Variants in NAT16 observed in about 807,000 individuals in gnomAD.
NAT16 encodes probable N-acetyltransferase 16.
NAT16 carries 16 observed loss-of-function variants against 15.9 expected under a neutral mutation model. That is an observed-to-expected ratio of 1.01 (90% CI 0.68 to 1.53). The LOEUF is 1.53. NAT16 is among the 40% of genes most tolerant of loss of function. NAT16 has a pLI of 0.00. For synonymous variants in NAT16, 260 were observed against 241.9 expected, an observed-to-expected ratio of 1.07 and a Z score of -0.69; for missense variants, 572 against 508.4, an observed-to-expected ratio of 1.13 and a Z score of -1.20.
chr7:101,173,867 C>G, intron 2 of NAT16: 1 of 331,650 alleles, frequency 3.0e-6, no homozygotes, highest in African/African-American at 2.1e-5. Flanking sequence ...GCTGGGACAA[C>G]AGGCACGCAC....
rs762874878 is a variant in NAT16, at chr7:101,173,493, C to G, written c.340G>C (p.Asp114His). 14 of 1,605,758 alleles carry G rather than the reference C, an allele frequency of 8.7e-6. No individual in the cohort carries two copies. The highest frequency in any genetic ancestry group is 1.3e-5 in the African/African-American group (1 of 74,726). ...VIALESVNVI[D>H]AGETVLVEGL... ...TCCACCAGCACCGTCTCCCCGGCGT[C>G]GATCACGTTCACCGACTCCAGCGCG... is the stretch of plus-strand genomic sequence containing the variant. Residue 114 changes from aspartate (D) to histidine (H), a missense_variant, in exon 3 of 4, where the codon GAC (aspartate) becomes CAC (histidine). Asp to His is a moderately conservative substitution (Grantham distance 81). Coordinates refer to ENST00000300303, the MANE Select transcript of NAT16 (RefSeq NM_198571.3).
intron 2 of NAT16, chr7:101,173,995 G>T (rs1797404465): frequency 4.9e-6 from 1 of 205,262 alleles, no homozygotes; most frequent in Non-Finnish European, 9.6e-6. Flanking sequence ...CTCCCAAAGA[G>T]CTGGGGTTAC....
chr7:101,172,647 A>T lies in NAT16; in HGVS notation c.542T>A (p.Ile181Asn), dbSNP rs759555931. The change falls in exon 4 of 4, where the codon ATC (isoleucine) becomes AAC (asparagine). Residue 181 changes from isoleucine to asparagine, a missense_variant. Ile to Asn is a moderately radical substitution (Grantham distance 149). Coordinates refer to ENST00000300303, the MANE Select transcript of NAT16 (RefSeq NM_198571.3). This position sits in a 1 kb window ranked among gnomAD's most constrained non-coding sequence, Gnocchi z 4.2. ...GGACGCGTTGAATCGGACCAAAAGGATGCCCTGCGGGGGGCACGAGTGAGC... is the reference window on the plus strand; with the variant it reads ...GGACGCGTTGAATCGGACCAAAAGGTTGCCCTGCGGGGGGCACGAGTGAGC... ...KKYRLITKQG[I>N]LLVRFNASAL... 2.0e-6 allele frequency: 3 copies of T among 1,509,548 alleles called. No individual in the cohort carries two copies. The highest frequency in any genetic ancestry group is 2.6e-6 in the Non-Finnish European group (3 of 1,138,424). The allele number at this position is 1,509,548 out of a possible 1,614,324, so 93.5% of individuals were successfully genotyped here. A position where few individuals can be genotyped will look rare whatever the true frequency, so the allele number is the denominator to read the frequency against.
Position 101,174,533 on chromosome 7 carries a change from T to TAG in NAT16, c.274_275insCT (p.Asp92AlafsTer14). The TAG allele has an allele frequency of 6.2e-7, 1 of 1,613,746 alleles. No individual in the cohort carries two copies. Among genetic ancestry groups the TAG allele is most frequent in the Admixed American group, 1.7e-5 (1 of 60,002 alleles). On this transcript the variant is annotated frameshift_variant, in exon 2 of 4. Transcript: ENST00000300303. LOFTEE classifies it high-confidence loss of function. ...GCGCTTGGCCAGCACCACCGTGCGG[T>TAG]CGGGGTCCCGGAGCCAGCTGTGGTA...
chr7:101,175,664 A>G (rs886410248), intron 1 of NAT16, among the ~76,000 whole-genome samples: 2 of 151,920 alleles, frequency 1.3e-5, no homozygotes, highest in African/African-American at 4.8e-5. Flanking sequence ...ACGGAAACTC[A>G]TGCCTGTACT....
intron 1 of NAT16, 46 bp from the exon 2 acceptor site, chr7:101,174,857 TC>T (rs1249689668): frequency 2.0e-6 from 3 of 1,506,664 alleles, no homozygotes; most frequent in East Asian, 4.6e-5. Flanking sequence ...CCCCTTTGTT[TC>T]CACATCTGGG....
At chr7:101,174,873 T>G (rs1797432493) in intron 1 of NAT16, 62 bp from the exon 2 acceptor site, 11 of 1,495,454 alleles carry the variant, frequency 7.4e-6, no homozygotes, top group East Asian at 2.3e-5. Context: ...TCTGGGCCCC[T>G]GCACACAAAC....
intron 1 of NAT16, among the ~76,000 whole-genome samples, chr7:101,179,666 G>T (rs1183869005): frequency 6.7e-6 from 1 of 149,130 alleles, no homozygotes; most frequent in Non-Finnish European, 1.5e-5. Flanking sequence ...CACAGTAGTG[G>T]AGAAGGGGGG....
intron 1 of NAT16, among the ~76,000 whole-genome samples, chr7:101,175,272 T>G (rs962711520): frequency 5.3e-5 from 8 of 150,662 alleles, no homozygotes; most frequent in African/African-American, 2.0e-4. Flanking sequence ...CATTTCTTCT[T>G]CTTATTTTTT....
rs770313623 is a variant in NAT16 at position 101,172,080 on chromosome 7, C to A, written c.1109G>T (p.Ter370LeuextTer198). The stretch of plus-strand genomic sequence containing the variant: ...CCCCTCCCCGCCAGAGGAGAGGCCT[C>A]AGATGTCGGCCTCCAGCAGGTACTG... ...TEQYLLEADI[*>L] The change falls in exon 4 of 4, where the codon TGA (stop) becomes TTA (leucine). Residue 370 changes from the stop codon to leucine, a stop_lost. Coordinates refer to ENST00000300303, the MANE Select transcript of NAT16 (RefSeq NM_198571.3). This position sits in a 1 kb window ranked among gnomAD's most constrained non-coding sequence, Gnocchi z 4.2. 12 of 1,602,976 alleles carry A rather than the reference C, an allele frequency of 7.5e-6. No individual in the cohort carries two copies. In the South Asian group the frequency reaches 1.3e-4, roughly 18 times the overall value.
rs1282544886 is a variant in NAT16 at position 101,172,216 on chromosome 7, C to T, written c.973G>A (p.Val325Ile). The change falls in exon 4 of 4, where the codon GTT (valine) becomes ATT (isoleucine). Residue 325 changes from valine (V) to isoleucine (I), a missense_variant. Val to Ile is a conservative substitution (Grantham distance 29). Coordinates refer to ENST00000300303, the MANE Select transcript of NAT16 (RefSeq NM_198571.3). This position sits in a 1 kb window ranked among gnomAD's most constrained non-coding sequence, Gnocchi z 4.2. ...AGCTGGCACATGACGTTGAGGCCAA[C>T]GAGGCGCGGGGCCTGGCGCTGCAGG... is the stretch of plus-strand genomic sequence containing the variant. ...WHLQRQAPRLVGLNVMCQLFL... is the reference protein window; with the variant it reads ...WHLQRQAPRLIGLNVMCQLFL... The T allele has an allele frequency of 1.2e-6, 2 of 1,613,694 alleles. No homozygotes were observed. Among genetic ancestry groups the T allele is most frequent in the Non-Finnish European group, 1.7e-6 (2 of 1,179,892 alleles).
At position 101,172,738 on chromosome 7, in the gene NAT16, C is replaced by A. The variant is rs1379059919; in HGVS notation, c.538-87G>T. The A allele has an allele frequency of 7.4e-6, 8 of 1,086,976 alleles. No homozygotes were observed. The highest frequency in any genetic ancestry group is 1.7e-5 in the African/African-American group (1 of 59,320). The allele number at this position is 1,086,976 out of a possible 1,614,324, so 67.3% of individuals were successfully genotyped here. On this transcript the variant is annotated intron_variant, in intron 3 of 3. Transcript: ENST00000300303. The surrounding 1 kb of genome is among the most constrained non-coding windows in gnomAD (Gnocchi z 4.2). ...CTCTCGGCAGGCATCTTCACTCCCA[C>A]GTTCACGCCCACGGGCTCCCACCTG... is the stretch of plus-strand genomic sequence containing the variant.
At position 101,174,618 on chromosome 7, in the gene NAT16, CA is replaced by C; in HGVS notation, c.189del (p.Phe63LeufsTer42). 6.2e-7 allele frequency: 1 copy of C among 1,614,218 alleles called. No homozygotes were observed. Among genetic ancestry groups the C allele is most frequent in the Non-Finnish European group, 8.5e-7 (1 of 1,180,050 alleles). On this transcript the variant is annotated frameshift_variant, in exon 2 of 4. Coordinates refer to ENST00000300303, the MANE Select transcript of NAT16 (RefSeq NM_198571.3). LOFTEE classifies it high-confidence loss of function. ...CCCCCCGAGATGGCCAGCACTTCCTCAAACTCCCGTTCCGTGGCCACCACGA... is the reference window on the plus strand; with the variant it reads ...CCCCCCGAGATGGCCAGCACTTCCTCAACTCCCGTTCCGTGGCCACCACGA... ...LDFVVATERE[F>X]EEVLAISGGI...
At position 101,173,489 on chromosome 7, in the gene NAT16, G is replaced by C. The variant is rs773518847; in HGVS notation, c.344C>G (p.Ala115Gly). 6.2e-7 allele frequency: 1 copy of C among 1,606,760 alleles called. No homozygotes were observed. The highest frequency in any genetic ancestry group is 1.7e-5 in the Admixed American group (1 of 59,718). Reference sequence around the variant, plus strand: ...CCCCTCCACCAGCACCGTCTCCCCGGCGTCGATCACGTTCACCGACTCCAG... The same window carrying C: ...CCCCTCCACCAGCACCGTCTCCCCGCCGTCGATCACGTTCACCGACTCCAG... The part of the protein sequence containing the change: ...IALESVNVID[A>G]GETVLVEGLR... The change falls in exon 3 of 4, where the codon GCC (alanine) becomes GGC (glycine). Residue 115 changes from alanine (A) to glycine (G), a missense_variant. Ala to Gly is a moderately conservative substitution (Grantham distance 60, BLOSUM62 0). Coordinates refer to ENST00000300303, the MANE Select transcript of NAT16 (RefSeq NM_198571.3).
intron 1 of NAT16, among the ~76,000 whole-genome samples, chr7:101,179,654 G>A (rs894417154): frequency 2.1e-5 from 3 of 144,654 alleles, no homozygotes; most frequent in African/African-American, 7.6e-5. Flanking sequence ...GCCCCAGAGG[G>A]CCACAGTAGT....
At chr7:101,177,156 G>A (rs1797485797) in intron 1 of NAT16, among the ~76,000 whole-genome samples, 1 of 152,134 alleles carries the variant, frequency 6.6e-6, no homozygotes, top group South Asian at 2.1e-4. Context: ...CAGGCTCAGA[G>A]GATTTAGATC....
Position 101,174,846 on chromosome 7 carries a change from G to A in NAT16, c.-4-35C>T, listed in dbSNP as rs78812476. Reference sequence around the variant, plus strand: ...AAAAGAGAATTCAGCACCTGGATCAGCCCCTTTGTTTCCACATCTGGGCCC... The same window carrying A: ...AAAAGAGAATTCAGCACCTGGATCAACCCCTTTGTTTCCACATCTGGGCCC... On this transcript the variant is annotated intron_variant, in intron 1 of 3. Transcript: ENST00000300303. 1,279 of 1,511,698 alleles carry A rather than the reference G, an allele frequency of 8.5e-4. 1 individual carries two copies. Among genetic ancestry groups the A allele is most frequent in the Middle Eastern group, 1.8e-3 (10 of 5,642 alleles). The allele number at this position is 1,511,698 out of a possible 1,614,324, so 93.6% of individuals were successfully genotyped here.
chr7:101,173,233 G>T (rs372338737), intron 3 of NAT16, 63 bp downstream of exon 3: 14 of 1,414,718 alleles, frequency 9.9e-6, no homozygotes, highest in Non-Finnish European at 1.3e-5. Flanking sequence ...CTGGGGGTGG[G>T]GAGGGTCTCC....
At chr7:101,177,865 G>T (rs987426053) in intron 1 of NAT16, among the ~76,000 whole-genome samples, 9 of 152,126 alleles carry the variant, frequency 5.9e-5, no homozygotes, top group African/African-American at 1.7e-4. Flanking sequence ...ACCAGCCCAA[G>T]CCCCAGACCT....
Sources: allele counts gnomAD v4.1 joint callset (sites outside exome capture counted in the v4.1 genomes callset), GRCh38; gene constraint gnomAD v4.1.1; non-coding constraint Gnocchi (gnomAD v3.1); transcripts MANE v1.5; gene names NCBI Gene and HGNC (gene_info 2026-07-23, HGNC 2026-07-21).